Variants in DPYSL2 observed in about 807,000 individuals in gnomAD.
DPYSL2 encodes the protein dihydropyrimidinase-related protein 2.
In DPYSL2, 13 loss-of-function variants were observed where a neutral mutation model predicts 69.9. That is an observed-to-expected ratio of 0.19 (90% confidence interval 0.12 to 0.30). DPYSL2 has a LOEUF of 0.30. Ranked by LOEUF, DPYSL2 falls within the 10% of genes least tolerant of loss-of-function variation. DPYSL2 has a pLI of 1.00. For missense variants in DPYSL2, 587 were observed against 918.9 expected (o/e 0.64, Z 4.67); for synonymous variants, 326 against 359.1 (o/e 0.91, Z 1.04).
rs972949229 is a variant in DPYSL2 at position 26,605,801 on chromosome 8, A to C, written c.629-18342A>C. Among the ~76,000 whole-genome samples the C allele has an allele frequency of 1.3e-5, 2 of 152,192 alleles. No individual in the cohort carries two copies. The highest frequency in any genetic ancestry group is 4.8e-5 in the African/African-American group (2 of 41,458). ...ATTCTTATATATGGAATCCAAGAAG[A>C]GTCTTAAATAAATTAAAAGAAATGC... is the stretch of plus-strand genomic sequence containing the variant. On this transcript the variant is annotated intron_variant, in intron 3 of 13. Transcript: ENST00000521913. This position sits in a 1 kb window ranked among gnomAD's most constrained non-coding sequence, Gnocchi z 4.1.
intron 7 of DPYSL2, among the ~76,000 whole-genome samples, chr8:26,629,173 A>G (rs13250931): frequency 0.65 from 98,873 of 152,054 alleles, 33,861 homozygotes; most frequent in Non-Finnish European, 0.76. Flanking sequence ...ATATGCACAC[A>G]TAGACACACA....
chr8:26,537,611 T>TACACAC (rs56080102), intron 1 of DPYSL2, among the ~76,000 whole-genome samples: 4,874 of 147,628 alleles, frequency 0.033, 219 homozygotes, highest in African/African-American at 0.099. Context: ...ATTCTCTCTC[T>TACACAC]ACACACACAC....
chr8:26,628,691 C>T (rs1802672440), intron 7 of DPYSL2, among the ~76,000 whole-genome samples: 1 of 152,194 alleles, frequency 6.6e-6, no homozygotes, highest in Non-Finnish European at 1.5e-5. Context: ...CAGGGAACCA[C>T]CAGGATTTCC....
intron 1 of DPYSL2, among the ~76,000 whole-genome samples, chr8:26,515,749 C>T (rs950257529): frequency 6.6e-6 from 1 of 152,214 alleles, no homozygotes; most frequent in African/African-American, 2.4e-5. Context: ...TTCCGTTTCT[C>T]TCCCATGCCT....
intron 1 of DPYSL2, among the ~76,000 whole-genome samples, chr8:26,545,019 T>C (rs943632739): frequency 6.6e-6 from 1 of 152,102 alleles, no homozygotes; most frequent in Non-Finnish European, 1.5e-5. Flanking sequence ...AAAGCAAATA[T>C]TGACAGATCT....
Position 26,514,553 on chromosome 8 carries a change from G to T in DPYSL2, c.228G>T (p.Pro76=), listed in dbSNP as rs954768875. 68 of 1,527,712 alleles carry T rather than the reference G, an allele frequency of 4.5e-5. No homozygotes were observed. The highest frequency in any genetic ancestry group is 3.2e-4 in the Admixed American group (16 of 50,192). The allele number at this position is 1,527,712 out of a possible 1,614,324, so 94.6% of individuals were successfully genotyped here. Residue 76 remains proline (P), a synonymous_variant, in exon 1 of 14, where the codon CCG becomes CCT. Transcript: ENST00000521913. The surrounding 1 kb of genome is among the most constrained non-coding windows in gnomAD (Gnocchi z 8.4). ...AGCGGGACGTCGCCCACTTGGGCCCGGACCCGCAGCCGCCGTACTCGCGGC... is the reference window on the plus strand; with the variant it reads ...AGCGGGACGTCGCCCACTTGGGCCCTGACCCGCAGCCGCCGTACTCGCGGC... ...AQQRDVAHLG[P]DPQPPYSRQG...
At chr8:26,555,958 AT>A (rs1166242229) in intron 1 of DPYSL2, among the ~76,000 whole-genome samples, 2 of 124,120 alleles carry the variant, frequency 1.6e-5, no homozygotes, top group Non-Finnish European at 3.2e-5. Context: ...ATATACATGT[AT>A]TATATATTAT....
In DPYSL2 at chr8:26,593,304, T is replaced by G. The variant is rs1400408777; in HGVS notation, c.628+9321T>G. ...TGTAACAAAATGCAGAGACCAGACCTTCTGACTTAATTGTTCTAGGTGGGC... is the reference window on the plus strand; with the variant it reads ...TGTAACAAAATGCAGAGACCAGACCGTCTGACTTAATTGTTCTAGGTGGGC... On this transcript the variant is annotated intron_variant, in intron 3 of 13. Transcript: ENST00000521913. The surrounding 1 kb of genome is among the most constrained non-coding windows in gnomAD (Gnocchi z 5.7). 6.6e-6 allele frequency among the ~76,000 whole-genome samples: 1 copy of G among 152,132 alleles called. No individual in the cohort carries two copies. The highest frequency in any genetic ancestry group is 1.5e-5 in the Non-Finnish European group (1 of 68,008).
At position 26,627,580 on chromosome 8, in the gene DPYSL2, C is replaced by T. The variant is rs1449345205; in HGVS notation, c.936+285C>T. On this transcript the variant is annotated intron_variant, in intron 6 of 13. Transcript: ENST00000521913. This position sits in a 1 kb window ranked among gnomAD's most constrained non-coding sequence, Gnocchi z 6.9. ...CTTGGGTGGGGTACGGGAACCCTCA[C>T]GTCACACACAGGCATTTTACACCGT... Among the ~76,000 whole-genome samples the T allele has an allele frequency of 1.3e-5, 2 of 152,138 alleles. No individual in the cohort carries two copies. Among genetic ancestry groups the T allele is most frequent in the South Asian group, 2.1e-4 (1 of 4,822 alleles).
Position 26,614,183 on chromosome 8 carries a change from C to G in DPYSL2, c.629-9960C>G, listed in dbSNP as rs1479845414. Among the ~76,000 whole-genome samples, 1 of 151,830 alleles carries G rather than the reference C, an allele frequency of 6.6e-6. No homozygotes were observed. Among genetic ancestry groups the G allele is most frequent in the South Asian group, 2.1e-4 (1 of 4,790 alleles). The stretch of plus-strand genomic sequence containing the variant: ...GAAAATGAGGGTGGAGGAAGAAGAG[C>G]CAGCGGAAGATTCTTCTGAGACATG... On this transcript the variant is annotated intron_variant, in intron 3 of 13. Transcript: ENST00000521913. The surrounding 1 kb of genome is among the most constrained non-coding windows in gnomAD (Gnocchi z 4.9).
chr8:26,601,798 G>C (rs921056514), intron 3 of DPYSL2, among the ~76,000 whole-genome samples: 1 of 152,228 alleles, frequency 6.6e-6, no homozygotes, highest in Non-Finnish European at 1.5e-5. Context: ...ACGTTTAAAA[G>C]ACTGGGCCTG....
rs1321265994 is a variant in DPYSL2 at position 26,642,067 on chromosome 8, C to T, written c.1127-1372C>T. On this transcript the variant is annotated intron_variant, in intron 8 of 13. Transcript: ENST00000521913. The surrounding 1 kb of genome is among the most constrained non-coding windows in gnomAD (Gnocchi z 5.3). Reference sequence around the variant, plus strand: ...GCATTGTTGTGGGGTGGGAGTTAGCCCTGTGCTGGGGGGAGCTAGTGAGAG... The same window carrying T: ...GCATTGTTGTGGGGTGGGAGTTAGCTCTGTGCTGGGGGGAGCTAGTGAGAG... Among the ~76,000 whole-genome samples the T allele has an allele frequency of 6.6e-6, 1 of 152,148 alleles. No homozygotes were observed. The highest frequency in any genetic ancestry group is 1.5e-5 in the Non-Finnish European group (1 of 68,040).
chr8:26,613,854 G>A (rs962665400), intron 3 of DPYSL2, among the ~76,000 whole-genome samples: 13 of 152,130 alleles, frequency 8.5e-5, no homozygotes, highest in African/African-American at 3.1e-4. Flanking sequence ...AGGGCGGGTG[G>A]GGCATGGTAG....
chr8:26,559,075 T>G (rs1801034352), intron 1 of DPYSL2, among the ~76,000 whole-genome samples: 1 of 152,140 alleles, frequency 6.6e-6, no homozygotes, highest in Admixed American at 6.6e-5. Flanking sequence ...CTTGAGTAAC[T>G]GGGACTACAA....
intron 1 of DPYSL2, among the ~76,000 whole-genome samples, chr8:26,534,657 C>T (rs1376187544): frequency 1.3e-5 from 2 of 151,794 alleles, no homozygotes; most frequent in Non-Finnish European, 2.9e-5. Flanking sequence ...TTATTTAAGA[C>T]AGGGTCTCAT....
chr8:26,653,235 G>A lies in DPYSL2; in HGVS notation c.1780G>A (p.Ala594Thr). ...YKRIKARSRL[A>T]ELRGVPRGLY... ...GGGGGACTCTTGTGTTTTGCAGCTG[G>A]CTGAGCTGAGAGGGGTTCCTCGTGG... Residue 594 changes from alanine (A) to threonine (T), a missense_variant, in exon 13 of 14, where the codon GCT becomes ACT. Transcript: ENST00000521913. This position sits in a 1 kb window ranked among gnomAD's most constrained non-coding sequence, Gnocchi z 5.7. The A allele has an allele frequency of 6.2e-7, 1 of 1,613,646 alleles. No homozygotes were observed. Among genetic ancestry groups the A allele is most frequent in the Non-Finnish European group, 8.5e-7 (1 of 1,179,684 alleles).
In DPYSL2 at chr8:26,585,360, C is replaced by A. The variant is rs530479015; in HGVS notation, c.628+1377C>A. ...TGCCATCCCCTCCTAGTCTGAGTTG[C>A]CCCGCATTTTAAATCACAACTCATC... On this transcript the variant is annotated intron_variant, in intron 3 of 13. Transcript: ENST00000521913. This position sits in a 1 kb window ranked among gnomAD's most constrained non-coding sequence, Gnocchi z 4.0. Among the ~76,000 whole-genome samples, 1 of 152,184 alleles carries A rather than the reference C, an allele frequency of 6.6e-6. No homozygotes were observed. Among genetic ancestry groups the A allele is most frequent in the South Asian group, 2.1e-4 (1 of 4,808 alleles).
At chr8:26,576,229 G>A (rs1801341229) in intron 1 of DPYSL2, among the ~76,000 whole-genome samples, 2 of 152,162 alleles carry the variant, frequency 1.3e-5, no homozygotes, top group Admixed American at 1.3e-4. Flanking sequence ...GAGTCTGGAA[G>A]GACAGACATT....
At chr8:26,527,963 G>T in intron 1 of DPYSL2, among the ~76,000 whole-genome samples, 1 of 151,972 alleles carries the variant, frequency 6.6e-6, no homozygotes, top group Non-Finnish European at 1.5e-5. Flanking sequence ...ACACAGCACA[G>T]AGCTAATTTT....
Sources: gnomAD v4.1 joint callset for allele counts (sites outside exome capture counted in the v4.1 genomes callset) on GRCh38, gnomAD v4.1.1 for gene constraint, Gnocchi (gnomAD v3.1) non-coding constraint, MANE v1.5 for transcripts, NCBI Gene and HGNC (gene_info 2026-07-23, HGNC 2026-07-21) for gene names.